The following SCRG1 variants were observed in gnomAD, a reference collection of about 807,000 sequenced individuals.
SCRG1 encodes scrapie-responsive protein 1.
SCRG1 carries 3 observed loss-of-function variants against 7.7 expected under a neutral mutation model. That is an observed-to-expected ratio of 0.39 (90% CI 0.18 to 1.01). The LOEUF is 1.01. Among genes scored for constraint, SCRG1 ranks in the 50% least tolerant of loss-of-function variants. The probability of loss-of-function intolerance (pLI) is 0.36; values close to 1 mark genes in which losing one functional copy is unlikely to be tolerated. For synonymous variants in SCRG1, 46 were observed against 41.2 expected (o/e 1.12, Z -0.44); for missense variants, 110 against 117.2 (o/e 0.94, Z 0.28).
the SCRG1 span, among the ~76,000 whole-genome samples, chr4:173,503,091 G>A: frequency 1.4e-4 from 22 of 152,228 alleles, no homozygotes; most frequent in Admixed American, 1.4e-3. This position sits in a 1 kb window ranked among gnomAD's most constrained non-coding sequence, Gnocchi z 6.4. Context: ...TACCGACCAG[G>A]TCCCTGGGTA....
At chr4:173,454,009 T>G in the SCRG1 span, among the ~76,000 whole-genome samples, 77 of 140,952 alleles carry the variant, frequency 5.5e-4, no homozygotes, top group African/African-American at 1.9e-3. Flanking sequence ...ACCCGGGAGG[T>G]GGAGGTTGCA....
chr4:173,396,739 T>TGTGTGTGTGTGA (rs1739615604), intron 1 of SCRG1, among the ~76,000 whole-genome samples: 1 of 144,254 alleles, frequency 6.9e-6, no homozygotes, highest in Non-Finnish European at 1.5e-5. Context: ...TGTGTGTGTG[T>TGTGTGTGTGTGA]GTGTGTGTGT....
chr4:173,494,101 C>T, the SCRG1 span, among the ~76,000 whole-genome samples: 1 of 152,204 alleles, frequency 6.6e-6, no homozygotes, highest in East Asian at 1.9e-4. Context: ...TTTATAAGTA[C>T]GCATATACTT....
At chr4:173,395,315 A>C (rs988355374) in intron 1 of SCRG1, among the ~76,000 whole-genome samples, 1 of 152,220 alleles carries the variant, frequency 6.6e-6, no homozygotes, top group African/African-American at 2.4e-5. Flanking sequence ...TGCTTGGCCC[A>C]TATTTGAAAA....
the SCRG1 span, among the ~76,000 whole-genome samples, chr4:173,452,818 CT>C: frequency 6.6e-6 from 1 of 152,144 alleles, no homozygotes; most frequent in Admixed American, 6.5e-5. Context: ...AACAAAACTT[CT>C]TGTGTACTTA....
chr4:173,401,635 T>C (rs1266640585), upstream of SCRG1, among the ~76,000 whole-genome samples: 1 of 152,232 alleles, frequency 6.6e-6, no homozygotes, highest in Non-Finnish European at 1.5e-5. Context: ...CCATACAATA[T>C]GCTTGGCATT....
the SCRG1 span, among the ~76,000 whole-genome samples, chr4:173,479,639 C>T: frequency 6.6e-6 from 1 of 151,590 alleles, no homozygotes; most frequent in Non-Finnish European, 1.5e-5. Context: ...CGGGGTTTCA[C>T]CATGTTACTC....
the SCRG1 span, among the ~76,000 whole-genome samples, chr4:173,500,472 TTG>T: frequency 4.0e-5 from 6 of 150,156 alleles, no homozygotes; most frequent in Non-Finnish European, 5.9e-5. Context: ...TTAGTAAATT[TTG>T]TGTGTGTGTG....
At chr4:173,431,667 C>T in the SCRG1 span, among the ~76,000 whole-genome samples, 57 of 152,334 alleles carry the variant, frequency 3.7e-4, no homozygotes, top group African/African-American at 1.3e-3. Context: ...TGGTTTCTCT[C>T]ATCCCTGCCC....
At chr4:173,479,431 G>GTTTTT in the SCRG1 span, among the ~76,000 whole-genome samples, 1 of 130,020 alleles carries the variant, frequency 7.7e-6, no homozygotes, top group East Asian at 2.6e-4. Context: ...TTTTTTGTTT[G>GTTTTT]TTTGTTTTTT....
At chr4:173,432,270 CCTTT>C in the SCRG1 span, among the ~76,000 whole-genome samples, 1,947 of 147,308 alleles carry the variant, frequency 0.013, 34 homozygotes, top group African/African-American at 0.036. Context: ...TTCCTTATTC[CCTTT>C]CTTTCTTCCT....
chr4:173,429,299 T>C, the SCRG1 span, among the ~76,000 whole-genome samples: 5 of 152,000 alleles, frequency 3.3e-5, no homozygotes, highest in Non-Finnish European at 7.4e-5. Context: ...AAAATTTTTT[T>C]TTTGAGACAA....
the SCRG1 span, chr4:173,420,078 A>G: frequency 3.3e-6 from 2 of 599,098 alleles, no homozygotes; most frequent in South Asian, 1.4e-5. Flanking sequence ...ATCATCTTCT[A>G]AATTTCACTT....
the SCRG1 span, among the ~76,000 whole-genome samples, chr4:173,457,855 C>T: frequency 6.6e-6 from 1 of 152,084 alleles, no homozygotes; most frequent in Non-Finnish European, 1.5e-5. Flanking sequence ...TTCCCCAGTC[C>T]CTGCACCCCA....
the SCRG1 span, among the ~76,000 whole-genome samples, chr4:173,501,942 C>G: frequency 1.3e-5 from 2 of 152,156 alleles, no homozygotes; most frequent in Admixed American, 6.5e-5. This position sits in a 1 kb window ranked among gnomAD's most constrained non-coding sequence, Gnocchi z 5.1. Context: ...ACTTTGTGCT[C>G]AGATCTTTGC....
chr4:173,476,363 A>AAAATATATATATATATATATATATAT, the SCRG1 span, among the ~76,000 whole-genome samples: 4 of 98,500 alleles, frequency 4.1e-5, no homozygotes, highest in East Asian at 3.6e-4. Flanking sequence ...GGAAAAAAAA[A>AAAATATATATATATATATATATATAT]ATATATATAT....
At chr4:173,458,773 T>C in the SCRG1 span, among the ~76,000 whole-genome samples, 1 of 151,926 alleles carries the variant, frequency 6.6e-6, no homozygotes, top group Non-Finnish European at 1.5e-5. Context: ...ACCTTGAACA[T>C]AAACAGCTTA....
chr4:173,403,330 G>A (rs1430131872), upstream of SCRG1: 1 of 152,116 alleles, frequency 6.6e-6, no homozygotes, highest in African/African-American at 2.4e-5. Flanking sequence ...ATGTACTTGG[G>A]AATGGCTAGG....
At chr4:173,486,510 A>AT in the SCRG1 span, among the ~76,000 whole-genome samples, 10 of 151,306 alleles carry the variant, frequency 6.6e-5, no homozygotes, top group Non-Finnish European at 1.3e-4. Flanking sequence ...TTCTTGACAG[A>AT]TTTTTTTTTC....
Sources: allele counts gnomAD v4.1 joint callset (sites outside exome capture counted in the v4.1 genomes callset), GRCh38; gene constraint gnomAD v4.1.1; non-coding constraint Gnocchi (gnomAD v3.1); transcripts MANE v1.5; gene names NCBI Gene and HGNC (gene_info 2026-07-23, HGNC 2026-07-21).